PRKCB: variants seen among roughly 807,000 people sequenced by gnomAD.
PRKCB encodes the protein protein kinase C beta type.
PRKCB carries 13 observed loss-of-function variants against 81.5 expected under a neutral mutation model. The ratio of observed to expected loss-of-function variants is 0.16; its 90% CI spans 0.10 to 0.25. The LOEUF is 0.25. Ranked by LOEUF, PRKCB falls within the 10% of genes least tolerant of loss-of-function variation. PRKCB has a pLI of 1.00. For missense variants in PRKCB, 509 were observed against 875.7 expected (o/e 0.58, Z 5.29); for synonymous variants, 335 against 321.4 (o/e 1.04, Z -0.45).
At chr16:24,010,368 G>A (rs1338762025) in intron 3 of PRKCB, among the ~76,000 whole-genome samples, 4 of 152,180 alleles carry the variant, frequency 2.6e-5, no homozygotes, top group Admixed American at 2.0e-4. Context: ...CAACTGTGGT[G>A]TATTTTAAAC....
chr16:23,932,992 G>T (rs1376407841), intron 2 of PRKCB, among the ~76,000 whole-genome samples: 1 of 152,168 alleles, frequency 6.6e-6, no homozygotes, highest in African/African-American at 2.4e-5. Context: ...GGTCTTGTGG[G>T]TATCTGGGAT....
chr16:24,030,017 A>C lies in PRKCB; in HGVS notation c.289-2119A>C, dbSNP rs546885346. ...TGGGCTCAAGTGATCTTCCCACTTC[A>C]ACTTCCCAAGTAGCTGGGACTACAG... On this transcript the variant is annotated intron_variant, in intron 3 of 16. Coordinates refer to ENST00000643927, the MANE Select transcript of PRKCB (RefSeq NM_002738.7). Among the ~76,000 whole-genome samples, 5 of 152,228 alleles carry C rather than the reference A, an allele frequency of 3.3e-5. No homozygotes were observed. In the South Asian group the frequency reaches 1.0e-3, roughly 32 times the overall value.
chr16:24,110,841 G>A (rs907497392), intron 7 of PRKCB, among the ~76,000 whole-genome samples: 10 of 151,898 alleles, frequency 6.6e-5, no homozygotes, highest in Non-Finnish European at 1.5e-4. Flanking sequence ...TGTTTGTTTT[G>A]TTTTGTTTGT....
chr16:24,196,921 T>C (rs1365464643), intron 16 of PRKCB, among the ~76,000 whole-genome samples: 1 of 152,182 alleles, frequency 6.6e-6, no homozygotes, highest in African/African-American at 2.4e-5. Flanking sequence ...CAGCAGGCTG[T>C]TGCTGGCCAG....
intron 2 of PRKCB, among the ~76,000 whole-genome samples, chr16:23,984,567 G>T (rs561267351): frequency 1.3e-5 from 2 of 152,118 alleles, no homozygotes; most frequent in East Asian, 1.9e-4. Context: ...TCTTTAACAT[G>T]ATAGAAAGAT....
At chr16:24,183,920 T>C (rs1272635508) in intron 13 of PRKCB, among the ~76,000 whole-genome samples, 1 of 152,228 alleles carries the variant, frequency 6.6e-6, no homozygotes, top group Non-Finnish European at 1.5e-5. Context: ...TTTGGGAATA[T>C]GAATTAAAAA....
At chr16:23,913,732 G>A (rs552666733) in intron 2 of PRKCB, among the ~76,000 whole-genome samples, 1 of 152,336 alleles carries the variant, frequency 6.6e-6, no homozygotes, top group African/African-American at 2.4e-5. Flanking sequence ...CTCAGTGCAG[G>A]AAGGGTTGAA....
chr16:24,015,583 C>G (rs1388874557), intron 3 of PRKCB, among the ~76,000 whole-genome samples: 2 of 152,206 alleles, frequency 1.3e-5, no homozygotes, highest in African/African-American at 4.8e-5. Context: ...GGGCAGAGCC[C>G]CAGCTAGGTG....
intron 9 of PRKCB, among the ~76,000 whole-genome samples, chr16:24,149,018 C>G (rs973131272): frequency 6.6e-6 from 1 of 152,156 alleles, no homozygotes; most frequent in Admixed American, 6.5e-5. Context: ...GGAATGATCA[C>G]TGGTTGGTTG....
chr16:23,944,427 C>T (rs1012134465), intron 2 of PRKCB, among the ~76,000 whole-genome samples: 1 of 151,730 alleles, frequency 6.6e-6, no homozygotes, highest in African/African-American at 2.4e-5. Flanking sequence ...TTTTTTTATT[C>T]ACCCTGCTGT....
chr16:24,040,392 C>T (rs1016837062), intron 5 of PRKCB, among the ~76,000 whole-genome samples: 1 of 152,174 alleles, frequency 6.6e-6, no homozygotes, highest in African/African-American at 2.4e-5. Context: ...CTTTTTCTAG[C>T]AATTAACTCT....
At chr16:24,150,800 C>A (rs1967069027) in intron 9 of PRKCB, among the ~76,000 whole-genome samples, 1 of 152,166 alleles carries the variant, frequency 6.6e-6, no homozygotes, top group Non-Finnish European at 1.5e-5. Context: ...CTGTTTGGCC[C>A]TTTATAGAGA....
At chr16:23,981,341 A>G (rs1014971010) in intron 2 of PRKCB, among the ~76,000 whole-genome samples, 1 of 151,408 alleles carries the variant, frequency 6.6e-6, no homozygotes, top group African/African-American at 2.4e-5. Context: ...CCTCCCTCCT[A>G]TAAGGACCCC....
At chr16:23,924,143 G>C (rs1253594699) in intron 2 of PRKCB, among the ~76,000 whole-genome samples, 2 of 151,424 alleles carry the variant, frequency 1.3e-5, no homozygotes, top group African/African-American at 4.8e-5. Context: ...CTGTTCTCAT[G>C]ATACTGAGTG....
At chr16:24,169,921 C>T (rs758506160) in intron 10 of PRKCB, among the ~76,000 whole-genome samples, 3 of 152,026 alleles carry the variant, frequency 2.0e-5, no homozygotes, top group Non-Finnish European at 2.9e-5. Flanking sequence ...GGACTACAGG[C>T]GCACACCATC....
intron 3 of PRKCB, among the ~76,000 whole-genome samples, chr16:24,003,963 T>A (rs575983613): frequency 6.6e-6 from 1 of 152,192 alleles, no homozygotes; most frequent in South Asian, 2.1e-4. Flanking sequence ...TGAGTCTAGA[T>A]GAACATATCC....
intron 5 of PRKCB, among the ~76,000 whole-genome samples, chr16:24,076,389 C>A (rs1966177378): frequency 6.6e-6 from 1 of 151,854 alleles, no homozygotes; most frequent in Admixed American, 6.6e-5. Context: ...AATCATGGAG[C>A]AAAAAGGGGG....
intron 2 of PRKCB, among the ~76,000 whole-genome samples, chr16:23,862,811 G>T (rs886893153): frequency 2.6e-5 from 4 of 152,062 alleles, no homozygotes; most frequent in African/African-American, 9.7e-5. Flanking sequence ...ACCGGGACTT[G>T]CTGGGCTGCA....
intron 5 of PRKCB, among the ~76,000 whole-genome samples, chr16:24,053,416 A>G (rs1213008464): frequency 6.6e-6 from 1 of 152,254 alleles, no homozygotes; most frequent in Non-Finnish European, 1.5e-5. Flanking sequence ...ATGAATGGGC[A>G]CGGGTGTGTG....
Sources: gnomAD v4.1 joint callset for allele counts (sites outside exome capture counted in the v4.1 genomes callset) on GRCh38, gnomAD v4.1.1 for gene constraint, MANE v1.5 for transcripts, NCBI Gene and HGNC (gene_info 2026-07-23, HGNC 2026-07-21) for gene names.